The following NELL1 variants were observed in gnomAD, a reference collection of about 807,000 sequenced individuals.
NELL1 encodes the protein neural EGFL like 1, also known as protein kinase C-binding protein NELL1.
Under a neutral mutation model 107.4 loss-of-function variants are expected in NELL1, and 76 were observed. The ratio of observed to expected loss-of-function variants is 0.71; its 90% confidence interval spans 0.59 to 0.86. NELL1 has a LOEUF of 0.86. Among genes scored for constraint, NELL1 ranks in the 40% least tolerant of loss-of-function variants. The probability of loss-of-function intolerance (pLI) is 0.00; values close to 1 mark genes in which losing one functional copy is unlikely to be tolerated. For missense variants in NELL1, 1,024 were observed against 1,005.5 expected, an observed-to-expected ratio of 1.02 and a Z score of -0.25; for synonymous variants, 353 against 341.2, an observed-to-expected ratio of 1.03 and a Z score of -0.38.
chr11:20,936,663 G>A (rs189662280), intron 9 of NELL1, among the ~76,000 whole-genome samples: 33 of 152,272 alleles, frequency 2.2e-4, no homozygotes, highest in Admixed American at 6.5e-4. Context: ...CTATTTCCCT[G>A]ATTGTAAGCT....
intron 15 of NELL1, among the ~76,000 whole-genome samples, chr11:21,461,941 A>G (rs915168572): frequency 4.0e-5 from 6 of 150,760 alleles, no homozygotes; most frequent in Non-Finnish European, 9.0e-5. Context: ...CAGGGAATAG[A>G]GTTAGGAAAC....
chr11:21,426,264 C>A (rs75398640), intron 15 of NELL1, among the ~76,000 whole-genome samples: 6,675 of 152,248 alleles, frequency 0.044, 316 homozygotes, highest in East Asian at 0.17. Flanking sequence ...TGCTCAGTAG[C>A]ATGTGGTTGG....
intron 13 of NELL1, among the ~76,000 whole-genome samples, chr11:21,158,242 C>T (rs534972813): frequency 1.3e-5 from 2 of 152,304 alleles, no homozygotes; most frequent in African/African-American, 4.8e-5. Flanking sequence ...CACTTCCCTA[C>T]TTTTGAGATT....
At chr11:21,393,333 AG>A (rs147635060) in intron 15 of NELL1, among the ~76,000 whole-genome samples, 2,643 of 151,798 alleles carry the variant, frequency 0.017, 34 homozygotes, top group East Asian at 0.065. Flanking sequence ...GGGGGTCAAA[AG>A]CTTTGATAGC....
At chr11:20,684,437 C>T (rs12785340) in intron 2 of NELL1, among the ~76,000 whole-genome samples, 1 of 151,952 alleles carries the variant, frequency 6.6e-6, no homozygotes, top group Non-Finnish European at 1.5e-5. Context: ...GTAGCTTTAA[C>T]TCTGTAAGTT....
chr11:21,113,428 C>G (rs532997647), intron 12 of NELL1, among the ~76,000 whole-genome samples, 161 bp from the exon 13 acceptor site: 2 of 152,016 alleles, frequency 1.3e-5, no homozygotes, highest in African/African-American at 2.4e-5. Context: ...TGGGATCTAA[C>G]GTACCAAGCT....
chr11:21,134,480 A>T (rs1483204370), intron 13 of NELL1, among the ~76,000 whole-genome samples: 1 of 152,178 alleles, frequency 6.6e-6, no homozygotes, highest in Non-Finnish European at 1.5e-5. Context: ...TGAAAGGATG[A>T]CACACTCTTA....
intron 15 of NELL1, among the ~76,000 whole-genome samples, chr11:21,397,017 G>A (rs529147959): frequency 9.9e-5 from 15 of 151,634 alleles, no homozygotes; most frequent in Non-Finnish European, 1.9e-4. Context: ...ATATTAAATA[G>A]TAGCAGAGTT....
At chr11:21,425,672 T>G (rs1303074262) in intron 15 of NELL1, among the ~76,000 whole-genome samples, 1 of 152,212 alleles carries the variant, frequency 6.6e-6, no homozygotes, top group Non-Finnish European at 1.5e-5. Flanking sequence ...CCTGCCAATC[T>G]ATTTTAGAAT....
intron 12 of NELL1, among the ~76,000 whole-genome samples, chr11:21,010,460 G>A (rs1245095441): frequency 6.6e-6 from 1 of 152,018 alleles, no homozygotes; most frequent in African/African-American, 2.4e-5. Flanking sequence ...AAAGGAATGA[G>A]CTTGCAGTTA....
chr11:21,148,384 C>T (rs1386607072), intron 13 of NELL1, among the ~76,000 whole-genome samples: 1 of 152,056 alleles, frequency 6.6e-6, no homozygotes, highest in Non-Finnish European at 1.5e-5. Flanking sequence ...CTGGGAGAGA[C>T]TGGTATTTCA....
intron 3 of NELL1, among the ~76,000 whole-genome samples, chr11:20,818,756 C>T (rs747095040): frequency 2.0e-5 from 3 of 152,114 alleles, no homozygotes; most frequent in Non-Finnish European, 4.4e-5. Flanking sequence ...GGCATGTAAG[C>T]CGCCCTTAGA....
chr11:20,947,762 C>T (rs1212703442), intron 11 of NELL1, among the ~76,000 whole-genome samples: 3 of 151,964 alleles, frequency 2.0e-5, no homozygotes, highest in Non-Finnish European at 4.4e-5. Context: ...TAATAATAAC[C>T]ATTATCATCA....
At chr11:21,404,006 C>CCT (rs554434779) in intron 15 of NELL1, among the ~76,000 whole-genome samples, 1 of 10,238 alleles carries the variant, frequency 9.8e-5, no homozygotes, top group Non-Finnish European at 2.8e-4. Context: ...CATTCCTGAA[C>CCT]CCCCCCCCCC....
chr11:21,551,457 A>C (rs763274605), intron 16 of NELL1, among the ~76,000 whole-genome samples: 25 of 152,162 alleles, frequency 1.6e-4, no homozygotes, highest in Admixed American at 2.6e-4. Context: ...TTGCCCATTC[A>C]GTATGATATT....
At chr11:21,150,678 T>G (rs891070824) in intron 13 of NELL1, among the ~76,000 whole-genome samples, 4 of 152,140 alleles carry the variant, frequency 2.6e-5, no homozygotes, top group Non-Finnish European at 4.4e-5. Context: ...GGTGGGCAAT[T>G]TTTTAATTGC....
chr11:21,089,013 T>C lies in NELL1; in HGVS notation c.1301-24576T>C, dbSNP rs1043959495. Among the ~76,000 whole-genome samples the C allele has an allele frequency of 3.0e-4, 46 of 152,130 alleles. 1 individual carries two copies. The highest frequency in any genetic ancestry group is 1.8e-3 in the Admixed American group (28 of 15,276). On this transcript the variant is annotated intron_variant, in intron 12 of 19. Coordinates refer to ENST00000357134, the MANE Select transcript of NELL1 (RefSeq NM_006157.5). ...AGACAGGACACAGCCAGTATAAGAG[T>C]ATTAGACATAAAAAAGAGAGAAGTG...
chr11:21,168,845 C>A lies in NELL1; in HGVS notation c.1426+55131C>A, dbSNP rs537768245. Among the ~76,000 whole-genome samples, 4 of 151,940 alleles carry A rather than the reference C, an allele frequency of 2.6e-5. No homozygotes were observed. The South Asian group carries it at 6.2e-4, about 24-fold the overall frequency. Reference sequence around the variant, plus strand: ...TGTTGTAACAGGCACAGAATTGTTTCTCTGAAGAAGATTTTGTGAGATCAG... The same window carrying A: ...TGTTGTAACAGGCACAGAATTGTTTATCTGAAGAAGATTTTGTGAGATCAG... On this transcript the variant is annotated intron_variant, in intron 13 of 19. Transcript: ENST00000357134.
At position 21,363,405 on chromosome 11, in the gene NELL1, A is replaced by C. The variant is rs374852566; in HGVS notation, c.1550-7448A>C. Among the ~76,000 whole-genome samples the C allele has an allele frequency of 1.5e-3, 234 of 152,308 alleles. 8 individuals carry two copies. The South Asian group carries it at 0.046, about 30-fold the overall frequency. ...GATTGCCAAGTGGAGATGTGTGTTC[A>C]GAGGTAGGTTTTTCCCCCTTTCACA... is the stretch of plus-strand genomic sequence containing the variant. On this transcript the variant is annotated intron_variant, in intron 14 of 19. Transcript: ENST00000357134.
Sources: allele counts gnomAD v4.1 joint callset (sites outside exome capture counted in the v4.1 genomes callset), GRCh38; gene constraint gnomAD v4.1.1; transcripts MANE v1.5; gene names NCBI Gene and HGNC (gene_info 2026-07-23, HGNC 2026-07-21).